Variants in GPC5 observed in about 807,000 individuals in gnomAD.
The protein encoded by GPC5 is glypican-5.
In GPC5, 47 loss-of-function variants were observed where a neutral mutation model predicts 53.9. The observed-to-expected ratio is 0.87, with a 90% CI of 0.69 to 1.11. GPC5 has a LOEUF of 1.11. GPC5 is among the 50% of genes most tolerant of loss of function. The probability of loss-of-function intolerance (pLI) is 0.00; values close to 1 mark genes in which losing one functional copy is unlikely to be tolerated. For synonymous variants in GPC5, 286 were observed against 263.3 expected (o/e 1.09, Z -0.84); for missense variants, 748 against 713.1 (o/e 1.05, Z -0.56).
intron 5 of GPC5, among the ~76,000 whole-genome samples, chr13:91,887,104 G>C (rs1256262824): frequency 3.3e-5 from 5 of 152,156 alleles, no homozygotes; most frequent in Non-Finnish European, 1.5e-5. Context: ...ACATCCAGGT[G>C]TTTCCATACA....
At chr13:91,775,522 A>C (rs1355481255) in intron 5 of GPC5, among the ~76,000 whole-genome samples, 1 of 152,078 alleles carries the variant, frequency 6.6e-6, no homozygotes, top group Non-Finnish European at 1.5e-5. Flanking sequence ...CTGCACCTCT[A>C]TATTTCTCTT....
intron 7 of GPC5, among the ~76,000 whole-genome samples, chr13:92,705,459 C>T (rs1305232605): frequency 6.6e-6 from 1 of 151,886 alleles, no homozygotes; most frequent in African/African-American, 2.4e-5. Context: ...GTAGCTATTC[C>T]ATATTGAGAT....
At chr13:92,489,272 T>C (rs1309519865) in intron 7 of GPC5, among the ~76,000 whole-genome samples, 1 of 152,178 alleles carries the variant, frequency 6.6e-6, no homozygotes, top group Non-Finnish European at 1.5e-5. Context: ...ATCCTATACA[T>C]ATTTATCAAG....
At chr13:91,691,510 C>G (rs778570888) in intron 2 of GPC5, among the ~76,000 whole-genome samples, 1 of 152,112 alleles carries the variant, frequency 6.6e-6, no homozygotes. Context: ...GAACTAGTTA[C>G]TAGCGATGCA....
rs79190231 is a variant in GPC5, at chr13:92,580,891, A to G, written c.1562-285391A>G. ...GTGATATGAGTGAGGACAAATATCC[A>G]AACTATACAAATATGCATATACGTA... On this transcript the variant is annotated intron_variant, in intron 7 of 7. Coordinates refer to ENST00000377067, the MANE Select transcript of GPC5 (RefSeq NM_004466.6). 6.0e-3 allele frequency among the ~76,000 whole-genome samples: 920 copies of G among 152,310 alleles called. 6 individuals are homozygous for G. Among genetic ancestry groups the G allele is most frequent in the Admixed American group, 0.011 (172 of 15,292 alleles).
At chr13:92,143,299 G>A (rs1474978524) in intron 6 of GPC5, among the ~76,000 whole-genome samples, 1 of 151,698 alleles carries the variant, frequency 6.6e-6, no homozygotes, top group African/African-American at 2.4e-5. Flanking sequence ...AATGATAACT[G>A]GTGTTACTTT....
At chr13:91,831,505 C>A (rs1161735006) in intron 5 of GPC5, among the ~76,000 whole-genome samples, 1 of 151,874 alleles carries the variant, frequency 6.6e-6, no homozygotes, top group Non-Finnish European at 1.5e-5. Context: ...TCACACTTGG[C>A]AAAAGTTATA....
chr13:91,668,147 T>C (rs1173315328), intron 2 of GPC5, among the ~76,000 whole-genome samples: 1 of 152,174 alleles, frequency 6.6e-6, no homozygotes. Context: ...CCTTTTCCTT[T>C]TCTGCATGAA....
intron 7 of GPC5, among the ~76,000 whole-genome samples, chr13:92,671,085 A>C (rs139532598): frequency 1.9e-3 from 285 of 152,274 alleles, no homozygotes; most frequent in African/African-American, 6.8e-3. Context: ...GAAAGCAGTA[A>C]GAAAGTTGAA....
At chr13:92,751,303 T>TAA (rs71123435) in intron 7 of GPC5, among the ~76,000 whole-genome samples, 3,408 of 38,250 alleles carry the variant, frequency 0.089, 348 homozygotes, top group Non-Finnish European at 0.13. Flanking sequence ...CAGAAACATT[T>TAA]AAAAAAAAAA....
chr13:91,693,496 T>C lies in GPC5; in HGVS notation c.635T>C (p.Met212Thr). The C allele has an allele frequency of 1.2e-6, 2 of 1,614,068 alleles. No individual in the cohort carries two copies. Among genetic ancestry groups the C allele is most frequent in the Non-Finnish European group, 8.5e-7 (1 of 1,180,002 alleles). Residue 212 changes from methionine (M) to threonine (T), a missense_variant, in exon 3 of 8, where the codon ATG becomes ACG. Physicochemically the swap from Met to Thr is moderately conservative, Grantham distance 81. Coordinates refer to ENST00000377067, the MANE Select transcript of GPC5 (RefSeq NM_004466.6). ...SPFGNIPQRVMGQMGRSLLPS... is the reference protein window; with the variant it reads ...SPFGNIPQRVTGQMGRSLLPS... Reference sequence around the variant, plus strand: ...TTTGGTAATATTCCCCAAAGAGTAATGGGACAGATGGGGAGGTCCCTGCTG... The same window carrying C: ...TTTGGTAATATTCCCCAAAGAGTAACGGGACAGATGGGGAGGTCCCTGCTG...
rs555070408 is a variant in GPC5 at position 92,675,810 on chromosome 13, T to C, written c.1562-190472T>C. 1.8e-4 allele frequency among the ~76,000 whole-genome samples: 27 copies of C among 152,290 alleles called. 1 individual carries two copies. The South Asian group carries it at 3.7e-3, about 21-fold the overall frequency. On this transcript the variant is annotated intron_variant, in intron 7 of 7. Transcript: ENST00000377067. Reference sequence around the variant, plus strand: ...TTCATATAGCAGAGCTTTGGTCTTATGCCATGAACAAGCAGGAGGTGCTTC... The same window carrying C: ...TTCATATAGCAGAGCTTTGGTCTTACGCCATGAACAAGCAGGAGGTGCTTC...
At chr13:91,468,262 G>A (rs769068638) in intron 2 of GPC5, among the ~76,000 whole-genome samples, 2 of 152,050 alleles carry the variant, frequency 1.3e-5, no homozygotes, top group Non-Finnish European at 2.9e-5. Context: ...GTATTCAAGA[G>A]CACCATGTCT....
chr13:92,722,353 C>T (rs1888529548), intron 7 of GPC5, among the ~76,000 whole-genome samples: 1 of 151,958 alleles, frequency 6.6e-6, no homozygotes, highest in Admixed American at 6.6e-5. Context: ...CAAGCTTTTG[C>T]TAGGACATTA....
At chr13:91,955,172 T>TCA (rs1401549577) in intron 6 of GPC5, among the ~76,000 whole-genome samples, 1 of 152,180 alleles carries the variant, frequency 6.6e-6, no homozygotes, top group Admixed American at 6.5e-5. Flanking sequence ...ATCTGGATAT[T>TCA]CAGTAAAATT....
At chr13:92,831,738 G>A (rs187061600) in intron 7 of GPC5, among the ~76,000 whole-genome samples, 1 of 152,152 alleles carries the variant, frequency 6.6e-6, no homozygotes, top group Non-Finnish European at 1.5e-5. Flanking sequence ...TGTTATCTGA[G>A]CTCTCTCTGT....
chr13:92,505,878 GT>G (rs1880348140), intron 7 of GPC5, among the ~76,000 whole-genome samples: 1 of 152,186 alleles, frequency 6.6e-6, no homozygotes, highest in East Asian at 1.9e-4. Context: ...CAGCCTCCAT[GT>G]TTCCATGTGT....
intron 3 of GPC5, among the ~76,000 whole-genome samples, chr13:91,695,960 T>C (rs1681911406): frequency 6.6e-6 from 1 of 152,212 alleles, no homozygotes; most frequent in African/African-American, 2.4e-5. Context: ...AGGCAAGCTT[T>C]CAAATCCTGA....
chr13:91,421,362 T>G (rs1878618958), intron 1 of GPC5, among the ~76,000 whole-genome samples: 1 of 152,176 alleles, frequency 6.6e-6, no homozygotes, highest in South Asian at 2.1e-4. Flanking sequence ...ATTCTAGTTA[T>G]AAAAGAGCAC....
Sources: allele counts gnomAD v4.1 joint callset (sites outside exome capture counted in the v4.1 genomes callset), GRCh38; gene constraint gnomAD v4.1.1; transcripts MANE v1.5; gene names NCBI Gene and HGNC (gene_info 2026-07-23, HGNC 2026-07-21).